PAAF1: variants seen among roughly 807,000 people sequenced by gnomAD.
PAAF1 encodes the protein proteasomal ATPase-associated factor 1.
A neutral mutation model predicts 52.8 loss-of-function variants in PAAF1; 46 were observed. That is an observed-to-expected ratio of 0.87 (90% CI 0.69 to 1.11). The LOEUF is 1.11. Among genes scored for constraint, PAAF1 ranks in the 50% most tolerant of loss-of-function variants. The pLI is 0.00. For synonymous variants in PAAF1, 178 were observed against 172.8 expected (o/e 1.03, Z -0.24); for missense variants, 424 against 477.4 (o/e 0.89, Z 1.04).
At chr11:73,923,587 G>A (rs1364173563) in intron 10 of PAAF1, among the ~76,000 whole-genome samples, 1 of 152,102 alleles carries the variant, frequency 6.6e-6, no homozygotes, top group African/African-American at 2.4e-5. Context: ...CCAGGCTGGA[G>A]TGCAGTGGCA....
chr11:73,891,743 G>A (rs2135147788), intron 4 of PAAF1, among the ~76,000 whole-genome samples: 1 of 151,990 alleles, frequency 6.6e-6, no homozygotes, highest in South Asian at 2.1e-4. Flanking sequence ...CCACTGCACT[G>A]CAGCCTGGAC....
intron 10 of PAAF1, among the ~76,000 whole-genome samples, chr11:73,920,978 G>A (rs997343550): frequency 1.3e-5 from 2 of 151,986 alleles, no homozygotes; most frequent in Non-Finnish European, 2.9e-5. Flanking sequence ...CGCCTCCTCT[G>A]TCCTATCTAC....
At chr11:73,896,937 C>A (rs1565133590) in intron 4 of PAAF1, among the ~76,000 whole-genome samples, 1 of 147,192 alleles carries the variant, frequency 6.8e-6, no homozygotes, top group African/African-American at 2.5e-5. Context: ...GCTGACCCCC[C>A]AGACCTCCCT....
At chr11:73,919,163 A>G (rs561214756) in intron 10 of PAAF1, 131 bp downstream of exon 10, 18 of 728,458 alleles carry the variant, frequency 2.5e-5, no homozygotes, top group Non-Finnish European at 3.6e-5. Context: ...GTACCTATCA[A>G]TAGTGTTTAT....
rs111725624 is a variant in PAAF1, at chr11:73,917,535, G to A, written c.935+875G>A. On this transcript the variant is annotated intron_variant, in intron 9 of 11. Coordinates refer to ENST00000310571, the MANE Select transcript of PAAF1 (RefSeq NM_025155.3). ...ATATTTATTGAAAATAGCTTCTGTG[G>A]GCATCAGGCTTGGTTCAAGGCACTG... Among the ~76,000 whole-genome samples, 651 of 152,154 alleles carry A rather than the reference G, an allele frequency of 4.3e-3. 5 individuals are homozygous for A. The highest frequency in any genetic ancestry group is 0.014 in the African/African-American group (601 of 41,512).
chr11:73,908,297 GTGTATATA>G (rs1949820100), intron 6 of PAAF1, among the ~76,000 whole-genome samples: 1 of 144,798 alleles, frequency 6.9e-6, no homozygotes, highest in South Asian at 2.1e-4. Context: ...ATATATATGT[GTGTATATA>G]TGTATATATA....
At chr11:73,876,900 A>G (rs1948756567), upstream of PAAF1, 2 of 1,052,492 alleles carry the variant, frequency 1.9e-6, no homozygotes, top group East Asian at 6.2e-5. Context: ...GGAATGTGAA[A>G]AAGTCACGTT....
Position 73,909,541 on chromosome 11 carries a change from G to T in PAAF1, c.675G>T (p.Ala225=), listed in dbSNP as rs778739970. Residue 225 remains alanine, a synonymous_variant, in exon 7 of 12, where the codon GCG becomes GCT. Coordinates refer to ENST00000310571, the MANE Select transcript of PAAF1 (RefSeq NM_025155.3). ...GTGGTTCTTCTATCAATGGAGTGGC[G>T]GTGGGTGCTGCTGACAACTCCATAA... ...ADCGSSINGV[A]VGAADNSINL... 6.2e-7 allele frequency: 1 copy of T among 1,614,018 alleles called. No homozygotes were observed. The highest frequency in any genetic ancestry group is 8.5e-7 in the Non-Finnish European group (1 of 1,180,028).
chr11:73,880,875 C>T (rs1183022933), intron 2 of PAAF1, among the ~76,000 whole-genome samples: 1 of 151,762 alleles, frequency 6.6e-6, no homozygotes, highest in Non-Finnish European at 1.5e-5. Context: ...TGGTGCATGC[C>T]TGTAATCCCA....
chr11:73,904,886 C>G (rs1021462898), intron 6 of PAAF1, among the ~76,000 whole-genome samples: 1 of 152,264 alleles, frequency 6.6e-6, no homozygotes, highest in Admixed American at 6.5e-5. Context: ...TCTGCTGAAT[C>G]TTTTCTTGAA....
intron 2 of PAAF1, among the ~76,000 whole-genome samples, chr11:73,881,995 C>T (rs1948920782): frequency 6.6e-6 from 1 of 152,136 alleles, no homozygotes; most frequent in Admixed American, 6.5e-5. Flanking sequence ...CTGCCTCAGC[C>T]TCCCGAGTAG....
chr11:73,919,108 T>A, intron 10 of PAAF1, 76 bp downstream of exon 10: 1 of 1,340,488 alleles, frequency 7.5e-7, no homozygotes, highest in Non-Finnish European at 1.0e-6. Context: ...GTGTCTGATC[T>A]ATGGCTGGGT....
intron 10 of PAAF1, among the ~76,000 whole-genome samples, chr11:73,924,004 T>TAC (rs113973014): frequency 0.12 from 18,390 of 149,794 alleles, 1,253 homozygotes; most frequent in Middle Eastern, 0.23. Flanking sequence ...AGTTTATAAA[T>TAC]ACACACACAC....
chr11:73,921,901 G>A, intron 10 of PAAF1: 1 of 1,112,916 alleles, frequency 9.0e-7, no homozygotes, highest in Non-Finnish European at 1.3e-6. Flanking sequence ...GATTCCCAGT[G>A]TATACATTTC....
rs1273971866 is a variant in PAAF1 at position 73,909,442 on chromosome 11, G to T, written c.576G>T (p.Val192=). The T allele has an allele frequency of 1.2e-6, 2 of 1,614,016 alleles. No individual in the cohort carries two copies. Among genetic ancestry groups the T allele is most frequent in the Non-Finnish European group, 1.7e-6 (2 of 1,180,032 alleles). ...TAIVDRGRNV[V]SASRDGTARL... is the part of the protein sequence containing the mutation. ...TCGTTGATCGGGGGAGGAATGTGGT[G>T]TCTGCTTCTCGAGATGGGACAGCAC... Residue 192 remains valine (V), a synonymous_variant, in exon 7 of 12, where the codon GTG becomes GTT. Coordinates refer to ENST00000310571, the MANE Select transcript of PAAF1 (RefSeq NM_025155.3).
At chr11:73,901,652 G>T (rs764011120) in intron 6 of PAAF1, among the ~76,000 whole-genome samples, 66 of 151,712 alleles carry the variant, frequency 4.4e-4, no homozygotes, top group Non-Finnish European at 8.7e-4. Flanking sequence ...GCCTAGGCCG[G>T]AGTCCAGTGG....
At chr11:73,926,374 A>G (rs1276519604) in intron 11 of PAAF1, among the ~76,000 whole-genome samples, 1 of 152,216 alleles carries the variant, frequency 6.6e-6, no homozygotes, top group South Asian at 2.1e-4. Context: ...CTCGGATTAC[A>G]GGCGTGAGCC....
chr11:73,900,528 C>A, intron 6 of PAAF1, 108 bp downstream of exon 6: 1 of 1,308,130 alleles, frequency 7.6e-7, no homozygotes, highest in Non-Finnish European at 1.0e-6. Flanking sequence ...ATAATCCATC[C>A]AGCTGGGCAT....
intron 4 of PAAF1, among the ~76,000 whole-genome samples, chr11:73,897,854 G>C (rs890416154): frequency 1.4e-5 from 2 of 147,472 alleles, no homozygotes; most frequent in Non-Finnish European, 3.0e-5. Flanking sequence ...AGGTTGTAGC[G>C]AGCCGAGATC....
Sources: allele counts gnomAD v4.1 joint callset (sites outside exome capture counted in the v4.1 genomes callset), GRCh38; gene constraint gnomAD v4.1.1; transcripts MANE v1.5; gene names NCBI Gene and HGNC (gene_info 2026-07-23, HGNC 2026-07-21).